The following ZNF331 variants were observed in gnomAD, a reference collection of about 807,000 sequenced individuals.
ZNF331 encodes zinc finger protein 331.
Under a neutral mutation model 7.0 loss-of-function variants are expected in ZNF331, and 2 were observed. The ratio of observed to expected loss-of-function variants is 0.29; its 90% CI spans 0.12 to 0.90. The LOEUF is 0.90. ZNF331 is among the 40% of genes least tolerant of loss of function. The pLI is 0.58. For synonymous variants in ZNF331, 196 were observed against 205.4 expected (o/e 0.95, Z 0.39); for missense variants, 432 against 587.7 (o/e 0.74, Z 2.74).
chr19:53,553,954 C>G (rs1240999154), intron 2 of ZNF331, among the ~76,000 whole-genome samples: 2 of 152,190 alleles, frequency 1.3e-5, no homozygotes, highest in Non-Finnish European at 2.9e-5. Flanking sequence ...CTGCCTGGAA[C>G]GCGCCCTGAG....
chr19:53,514,372 TG>T, the ZNF331 span, among the ~76,000 whole-genome samples: 1 of 151,706 alleles, frequency 6.6e-6, no homozygotes, highest in East Asian at 2.0e-4. Context: ...CAAATTTTTT[TG>T]TATTTTTAGT....
At chr19:53,504,602 GA>G in the ZNF331 span, among the ~76,000 whole-genome samples, 1 of 151,958 alleles carries the variant, frequency 6.6e-6, no homozygotes, top group Non-Finnish European at 1.5e-5. Context: ...CCTCGGAGTA[GA>G]CGGGGGGAAT....
intron 2 of ZNF331, among the ~76,000 whole-genome samples, chr19:53,525,871 T>G (rs2087275367): frequency 6.6e-6 from 1 of 152,204 alleles, no homozygotes; most frequent in Non-Finnish European, 1.5e-5. Flanking sequence ...TTGTTCCTGA[T>G]ATTTCAACTT....
chr19:53,510,012 T>C, the ZNF331 span, among the ~76,000 whole-genome samples: 4 of 152,070 alleles, frequency 2.6e-5, no homozygotes, highest in Middle Eastern at 3.4e-3. Flanking sequence ...AAGGGGGAAA[T>C]CCGCCCCCAT....
chr19:53,509,570 C>A, the ZNF331 span, among the ~76,000 whole-genome samples: 1 of 152,142 alleles, frequency 6.6e-6, no homozygotes, highest in Admixed American at 6.5e-5. Context: ...CAGGAAAGAT[C>A]CTAGAGCCCA....
chr19:53,524,982 T>A (rs564184199), intron 2 of ZNF331, among the ~76,000 whole-genome samples: 2 of 152,378 alleles, frequency 1.3e-5, no homozygotes, highest in South Asian at 4.1e-4. Flanking sequence ...TTTCTACATA[T>A]GGCTAGCCAG....
At position 53,569,387 on chromosome 19, in the gene ZNF331, T is replaced by G; in HGVS notation, c.9+2T>G. ...TTCAGTTCTAAAACAATGGCCCAGG[T>G]AAGTGTATATTTCTCTTTCCTTCTT... On this transcript the variant is annotated splice_donor_variant, in intron 4 of 5. Coordinates refer to ENST00000449416, the MANE Select transcript of ZNF331 (RefSeq NM_001079906.2). LOFTEE classifies it high-confidence loss of function. The G allele has an allele frequency of 1.2e-6, 2 of 1,613,938 alleles. No individual in the cohort carries two copies. The highest frequency in any genetic ancestry group is 1.7e-6 in the Non-Finnish European group (2 of 1,179,904).
intron 3 of ZNF331, among the ~76,000 whole-genome samples, chr19:53,564,074 CTTTTTTTTTTTTTTTT>C (rs1205257105): frequency 8.4e-5 from 8 of 94,686 alleles, no homozygotes; most frequent in African/African-American, 3.4e-4. Flanking sequence ...AGCCTGCATT[CTTTTTTTTTTTTTTTT>C]TTTTTGAGAC....
In ZNF331 at chr19:53,542,092, G is replaced by A. The variant is rs141496529; in HGVS notation, c.-138+2810G>A. Among the ~76,000 whole-genome samples the A allele has an allele frequency of 4.8e-3, 726 of 152,132 alleles. 6 individuals are homozygous for A. The highest frequency in any genetic ancestry group is 0.017 in the African/African-American group (688 of 41,500). On this transcript the variant is annotated intron_variant, in intron 2 of 5. Coordinates refer to ENST00000449416, the MANE Select transcript of ZNF331 (RefSeq NM_001079906.2). ...TAAGCATGTGTGTGTTTTGTTTTTG[G>A]AGTATTGAATCTTGCTAATTCATCA...
chr19:53,570,625 C>A (rs1016230305), intron 4 of ZNF331, among the ~76,000 whole-genome samples: 3 of 151,612 alleles, frequency 2.0e-5, no homozygotes, highest in Admixed American at 6.6e-5. Context: ...CTCTGCCTCG[C>A]GGGTTCAAGT....
rs1471271006 is a variant in ZNF331, at chr19:53,579,123, A to G, written c.*1171A>G. On this transcript the variant is annotated 3_prime_UTR_variant, in exon 6 of 6. Coordinates refer to ENST00000449416, the MANE Select transcript of ZNF331 (RefSeq NM_001079906.2). ...CCACTGATCACTCTTCTGCTTACAG[A>G]ATATCAGAAGTCATTCTAGAGGCAA... 1 of 200,360 alleles carries G rather than the reference A, an allele frequency of 5.0e-6. No homozygotes were observed. The highest frequency in any genetic ancestry group is 2.3e-5 in the African/African-American group (1 of 43,490). The allele number at this position is 200,360 out of a possible 1,614,324, so 12.4% of individuals were successfully genotyped here.
rs1414250097 is a variant in ZNF331, at chr19:53,573,839, ATGG to A, written c.136+2114_136+2116del. 6.6e-6 allele frequency among the ~76,000 whole-genome samples: 1 copy of A among 152,184 alleles called. No homozygotes were observed. Among genetic ancestry groups the A allele is most frequent in the Non-Finnish European group, 1.5e-5 (1 of 68,028 alleles). On this transcript the variant is annotated intron_variant, in intron 5 of 5. Coordinates refer to ENST00000449416, the MANE Select transcript of ZNF331 (RefSeq NM_001079906.2). The surrounding 1 kb of genome is among the most constrained non-coding windows in gnomAD (Gnocchi z 4.2). ...AATCAAAAAAAATTTAAGGCCAGGC[ATGG>A]TGGTTCACGCCTATAATCCCAGCAC... is the stretch of plus-strand genomic sequence containing the variant.
At chr19:53,540,742 A>G (rs576185075) in intron 2 of ZNF331, among the ~76,000 whole-genome samples, 85 of 150,456 alleles carry the variant, frequency 5.6e-4, no homozygotes, top group African/African-American at 1.9e-3. Flanking sequence ...GCCCTGTGGG[A>G]GGTATTTTAT....
In ZNF331 at chr19:53,539,261, G is replaced by A. The variant is rs527437445; in HGVS notation, c.-159G>A. The A allele has an allele frequency of 3.3e-5, 5 of 151,872 alleles. No individual in the cohort carries two copies. The highest frequency in any genetic ancestry group is 9.7e-5 in the African/African-American group (4 of 41,330). The allele number at this position is 151,872 out of a possible 1,614,324, so 9.4% of individuals were successfully genotyped here. ...GCATCCCCGAGGAGGAAGACGAATC[G>A]TTAAACATCTGAAAGGGTCAGGTGA... On this transcript the variant is annotated 5_prime_UTR_variant, in exon 2 of 6. Transcript: ENST00000449416. The surrounding 1 kb of genome is among the most constrained non-coding windows in gnomAD (Gnocchi z 6.1).
chr19:53,554,188 G>A (rs1044059974), intron 2 of ZNF331, among the ~76,000 whole-genome samples: 1 of 152,190 alleles, frequency 6.6e-6, no homozygotes, highest in Non-Finnish European at 1.5e-5. Context: ...TAGGGGGACC[G>A]CCGAGTGCGC....
At chr19:53,515,178 T>G (rs1194861220), upstream of ZNF331, among the ~76,000 whole-genome samples, 2 of 152,216 alleles carry the variant, frequency 1.3e-5, no homozygotes, top group East Asian at 3.9e-4. Context: ...TTAGTTCTCC[T>G]GCTCCGCGTT....
In ZNF331 at chr19:53,571,145, T is replaced by G. The variant is rs1020865176; in HGVS notation, c.10-459T>G. On this transcript the variant is annotated intron_variant, in intron 4 of 5. Transcript: ENST00000449416. This position sits in a 1 kb window ranked among gnomAD's most constrained non-coding sequence, Gnocchi z 4.7. ...ATCCGCCTGCCTTGGCCTCCCAAAG[T>G]GTTGGGATTACAGGCGTGAGCCCCC... Among the ~76,000 whole-genome samples, 1 of 152,170 alleles carries G rather than the reference T, an allele frequency of 6.6e-6. No individual in the cohort carries two copies. Among genetic ancestry groups the G allele is most frequent in the Non-Finnish European group, 1.5e-5 (1 of 68,024 alleles).
intron 2 of ZNF331, among the ~76,000 whole-genome samples, chr19:53,525,973 T>C (rs116906136): frequency 0.013 from 1,923 of 152,178 alleles, 18 homozygotes; most frequent in Non-Finnish European, 0.019. Flanking sequence ...CTGTTGAGAG[T>C]TTTTGTTAGG....
In ZNF331 at chr19:53,571,659, G is replaced by A; in HGVS notation, c.65G>A (p.Cys22Tyr). The A allele has an allele frequency of 2.5e-6, 4 of 1,614,110 alleles. No individual in the cohort carries two copies. Among genetic ancestry groups the A allele is most frequent in the Non-Finnish European group, 3.4e-6 (4 of 1,180,014 alleles). ...GACTTTTCTCAGGAGGAGTGGGCCT[G>A]TCTGAACTCTGCTCAGAGGGACCTG... ...AIDFSQEEWACLNSAQRDLYW... is the reference protein window; with the variant it reads ...AIDFSQEEWAYLNSAQRDLYW... Residue 22 changes from cysteine (C) to tyrosine (Y), a missense_variant, in exon 5 of 6, where the codon TGT becomes TAT. Cys to Tyr is a radical substitution (Grantham distance 194). Transcript: ENST00000449416. This position sits in a 1 kb window ranked among gnomAD's most constrained non-coding sequence, Gnocchi z 4.7.
Sources: allele counts gnomAD v4.1 joint callset (sites outside exome capture counted in the v4.1 genomes callset), GRCh38; gene constraint gnomAD v4.1.1; non-coding constraint Gnocchi (gnomAD v3.1); transcripts MANE v1.5; gene names NCBI Gene and HGNC (gene_info 2026-07-23, HGNC 2026-07-21).